The following CELSR2 variants were observed in gnomAD, a reference collection of about 807,000 sequenced individuals.
The protein encoded by CELSR2 is EGF-like protein 2.
CELSR2 carries 81 observed loss-of-function variants against 251.6 expected under a neutral mutation model. That is an observed-to-expected ratio of 0.32 (90% CI 0.27 to 0.39). CELSR2 has a LOEUF of 0.39. Ranked by LOEUF, CELSR2 falls within the 10% of genes least tolerant of loss-of-function variation. The pLI is 1.00. For synonymous variants in CELSR2, 1,721 were observed against 1,670.5 expected (o/e 1.03, Z -0.74); for missense variants, 3,365 against 3,947.7 (o/e 0.85, Z 3.96).
At position 109,270,462 on chromosome 1, in the gene CELSR2, C is replaced by T. The variant is rs761500021; in HGVS notation, c.7345C>T (p.Leu2449=). 55 of 1,614,108 alleles carry T rather than the reference C, an allele frequency of 3.4e-5. No individual in the cohort carries two copies. Among genetic ancestry groups the T allele is most frequent in the Non-Finnish European group, 4.6e-5 (54 of 1,180,044 alleles). Reference sequence around the variant, plus strand: ...AGTCATTGCCATCCTGCTGCACTTCCTGTACCTCTGCACCTTTTCCTGGGC... The same window carrying T: ...AGTCATTGCCATCCTGCTGCACTTCTTGTACCTCTGCACCTTTTCCTGGGC... ...CTVIAILLHF[L]YLCTFSWALL... is the part of the protein sequence containing the mutation. The change falls in exon 24 of 34, where the codon CTG becomes TTG. Residue 2449 remains leucine, a synonymous_variant. Transcript: ENST00000271332.
At position 109,252,875 on chromosome 1, in the gene CELSR2, G is replaced by A; in HGVS notation, c.2796G>A (p.Glu932=). 6.2e-7 allele frequency: 1 copy of A among 1,613,106 alleles called. No individual in the cohort carries two copies. Among genetic ancestry groups the A allele is most frequent in the East Asian group, 2.2e-5 (1 of 44,866 alleles). Residue 932 remains glutamate, a synonymous_variant, in exon 1 of 34, where the codon GAG becomes GAA. Transcript: ENST00000271332. The surrounding 1 kb of genome is among the most constrained non-coding windows in gnomAD (Gnocchi z 4.8). ...ATGAGTTTGATGTGTTTGTGGAAGA[G>A]AACAGCCCCATTGGGCTAGCCGTGG... ...EQDEFDVFVE[E]NSPIGLAVAR...
At position 109,267,987 on chromosome 1, in the gene CELSR2, C is replaced by G. The variant is rs199802246; in HGVS notation, c.6245C>G (p.Thr2082Arg). Residue 2082 changes from threonine to arginine, a missense_variant, in exon 17 of 34, where the codon ACG (threonine) becomes AGG (arginine). By Grantham distance (71) the Thr-to-Arg change is moderately conservative. Transcript: ENST00000271332. ...SDVKVAYQLA[T>R]RLLAHESTQR... ...GTCAAGGTGGCCTACCAGCTGGCCACGCGGCTGCTGGCCCACGAGAGCACC... is the reference window on the plus strand; with the variant it reads ...GTCAAGGTGGCCTACCAGCTGGCCAGGCGGCTGCTGGCCCACGAGAGCACC... 7.4e-6 allele frequency: 12 copies of G among 1,610,826 alleles called. No individual in the cohort carries two copies. In the South Asian group the frequency reaches 1.3e-4, roughly 18 times the overall value.
Position 109,267,913 on chromosome 1 carries a change from G to T in CELSR2, c.6171G>T (p.Leu2057=). The T allele has an allele frequency of 6.2e-7, 1 of 1,611,250 alleles. No homozygotes were observed. The highest frequency in any genetic ancestry group is 8.5e-7 in the Non-Finnish European group (1 of 1,179,652). Residue 2057 remains leucine (L), a synonymous_variant, in exon 17 of 34, where the codon CTG becomes CTT. Transcript: ENST00000271332. The stretch of plus-strand genomic sequence containing the variant: ...CAGGGCGCTCCCAGCAGCTAGCCCT[G>T]CTCCTGCGCAACGCCACGCAGCACA... The part of the protein sequence containing the change: ...LDSGRSQQLA[L]LLRNATQHTA...
chr1:109,268,676 C>G lies in CELSR2; in HGVS notation c.6414C>G (p.Leu2138=). The G allele has an allele frequency of 1.2e-6, 2 of 1,614,058 alleles. No individual in the cohort carries two copies. The highest frequency in any genetic ancestry group is 8.5e-7 in the Non-Finnish European group (1 of 1,179,988). The change falls in exon 18 of 34, where the codon CTC becomes CTG. Residue 2138 remains leucine, a synonymous_variant. Transcript: ENST00000271332. ...CAGAGGGTGGCACCGCCTGGCTGCT[C>G]CAGCACTATGAGGCCTACGCCAGTG... The part of the protein sequence containing the change: ...QQTEGGTAWL[L]QHYEAYASAL...
rs145491260 is a variant in CELSR2 at position 109,263,188 on chromosome 1, T to G, written c.4755T>G (p.Asn1585Lys). The G allele has an allele frequency of 1.9e-6, 3 of 1,600,618 alleles. No individual in the cohort carries two copies. Among genetic ancestry groups the G allele is most frequent in the Non-Finnish European group, 2.6e-6 (3 of 1,169,110 alleles). The change falls in exon 8 of 34, where the codon AAT (asparagine) becomes AAG (lysine). Residue 1585 changes from asparagine to lysine, a missense_variant. Transcript: ENST00000271332. ...KNVCDSNTCH[N>K]GGTCVNQWDA... is the part of the protein sequence containing the mutation. ...TGTGTGACAGCAACACTTGCCACAATGGGGGCACTTGCGTGAACCAGTGGG... is the reference window on the plus strand; with the variant it reads ...TGTGTGACAGCAACACTTGCCACAAGGGGGGCACTTGCGTGAACCAGTGGG...
intron 8 of CELSR2, 116 bp downstream of exon 8, chr1:109,263,383 G>A: frequency 6.9e-7 from 1 of 1,445,958 alleles, no homozygotes; most frequent in Non-Finnish European, 9.2e-7. Context: ...GGGTGGAAAA[G>A]CGTGTCTGGG....
chr1:109,267,404 GTCTTCCT>G, intron 15 of CELSR2, 137 bp from the exon 16 acceptor site: 1 of 674,650 alleles, frequency 1.5e-6, no homozygotes, highest in Non-Finnish European at 2.5e-6. Flanking sequence ...CTACATACCT[GTCTTCCT>G]GTTTCACCAG....
At position 109,274,012 on chromosome 1, in the gene CELSR2, G is replaced by C. The variant is rs892645457; in HGVS notation, c.8745-10G>C. ...GCCTTTTCTGCCACTTTCCTTTCCT[G>C]CCTCTCCAGATTTCTCTTCTTTAAC... On this transcript the variant is annotated splice_polypyrimidine_tract_variant and intron_variant, in intron 33 of 33. Transcript: ENST00000271332. The C allele has an allele frequency of 6.2e-7, 1 of 1,613,904 alleles. No individual in the cohort carries two copies. The highest frequency in any genetic ancestry group is 8.5e-7 in the Non-Finnish European group (1 of 1,179,952).
chr1:109,253,466 C>A (rs372101320), intron 1 of CELSR2, 77 bp downstream of exon 1: 3 of 1,507,144 alleles, frequency 2.0e-6, no homozygotes, highest in Non-Finnish European at 2.7e-6. Flanking sequence ...AGGTAGGGTG[C>A]GATCCAGGAA....
In CELSR2 at chr1:109,269,996, CTT is replaced by C; in HGVS notation, c.7172_7173del (p.Leu2391ProfsTer23). On this transcript the variant is annotated frameshift_variant, in exon 23 of 34. Transcript: ENST00000271332. LOFTEE classifies it high-confidence loss of function. The surrounding 1 kb of genome is among the most constrained non-coding windows in gnomAD (Gnocchi z 6.4). ...YVALGVTLAA[L>X]LLTFFFLTLL... is the part of the protein sequence containing the mutation. ...GGCTCTAGGTGTCACCTTGGCTGCC[CTT>C]CTGCTCACCTTCTTCTTCCTCACTC... The C allele has an allele frequency of 6.2e-7, 1 of 1,614,128 alleles. No homozygotes were observed.
chr1:109,262,168 C>T (rs1656037342), intron 5 of CELSR2, 119 bp from the exon 6 acceptor site: 4 of 1,363,660 alleles, frequency 2.9e-6, no homozygotes, highest in Non-Finnish European at 3.0e-6. Flanking sequence ...TGTGTATATG[C>T]ATGTGTGTAC....
At chr1:109,267,079 T>G (rs1264647011) in intron 15 of CELSR2, among the ~76,000 whole-genome samples, 9 of 152,112 alleles carry the variant, frequency 5.9e-5, no homozygotes, top group Admixed American at 5.9e-4. Context: ...GGCATAGGGC[T>G]GTGCTAGAGA....
rs771373867 is a variant in CELSR2 at position 109,270,044 on chromosome 1, A to G, written c.7219A>G (p.Asn2407Asp). Residue 2407 changes from asparagine to aspartate, a missense_variant, in exon 23 of 34, where the codon AAC becomes GAC. Asn to Asp is a conservative substitution (Grantham distance 23). Around this residue, in one of 5 missense-constraint regions of CELSR2, gnomAD observed 2,093 missense variants for 2,382.8 expected, o/e 0.88. Transcript: ENST00000271332. ...FLTLLRILRS[N>D]QHGIRRNLTA... ...CACTCTCTTGCGTATCCTGCGCTCC[A>G]ACCAACACGGCATCCGACGTAACCT... 8 of 1,613,784 alleles carry G rather than the reference A, an allele frequency of 5.0e-6. No homozygotes were observed. Among genetic ancestry groups the G allele is most frequent in the Admixed American group, 1.7e-5 (1 of 59,990 alleles).
In CELSR2 at chr1:109,271,646, G is replaced by A. The variant is rs1187110726; in HGVS notation, c.7850G>A (p.Arg2617Gln). ...LSYVVLSKEVRKALKLACSRK... is the reference protein window; with the variant it reads ...LSYVVLSKEVQKALKLACSRK... ...TATGTGGTGCTTAGCAAGGAGGTCC[G>A]GAAAGCACTCAAGCTTGCCTGCAGC... The change falls in exon 28 of 34, where the codon CGG becomes CAG. Residue 2617 changes from arginine to glutamine, a missense_variant. Physicochemically the swap from Arg to Gln is conservative, Grantham distance 43. Coordinates refer to ENST00000271332, the MANE Select transcript of CELSR2 (RefSeq NM_001408.3). 8.1e-6 allele frequency: 13 copies of A among 1,613,940 alleles called. No individual in the cohort carries two copies. The highest frequency in any genetic ancestry group is 4.5e-5 in the East Asian group (2 of 44,892).
chr1:109,269,362 G>A lies in CELSR2; in HGVS notation c.6813-62G>A, dbSNP rs75781599. 2.9e-3 allele frequency: 4,584 copies of A among 1,608,254 alleles called. 126 individuals are homozygous for A. The African/African-American group carries it at 0.053, about 18-fold the overall frequency. Reference sequence around the variant, plus strand: ...TGAGTGCTGAGGCATGGAGGGGGTCGGGGGCGTCTCCCCAGTCATGTGACT... The same window carrying A: ...TGAGTGCTGAGGCATGGAGGGGGTCAGGGGCGTCTCCCCAGTCATGTGACT... On this transcript the variant is annotated intron_variant, in intron 20 of 33. Coordinates refer to ENST00000271332, the MANE Select transcript of CELSR2 (RefSeq NM_001408.3). The surrounding 1 kb of genome is among the most constrained non-coding windows in gnomAD (Gnocchi z 6.4).
At position 109,275,667 on chromosome 1, in the gene CELSR2, GGTT is replaced by G. The variant is rs1656512091; in HGVS notation, c.*1623_*1625del. 1 of 152,236 alleles carries G rather than the reference GGTT, an allele frequency of 6.6e-6. No individual in the cohort carries two copies. The highest frequency in any genetic ancestry group is 1.5e-5 in the Non-Finnish European group (1 of 68,040). The allele number at this position is 152,236 out of a possible 1,614,324, so 9.4% of individuals were successfully genotyped here. A position where few individuals can be genotyped will look rare whatever the true frequency, so the allele number is the denominator to read the frequency against. ...TACTAACCATCAGATTGTACAGTTT[GGTT>G]GTTGCTGTAAATAGGGTAGCGTTTT... On this transcript the variant is annotated 3_prime_UTR_variant, in exon 34 of 34. Coordinates refer to ENST00000271332, the MANE Select transcript of CELSR2 (RefSeq NM_001408.3).
At chr1:109,257,385 C>T (rs896424251) in intron 1 of CELSR2, among the ~76,000 whole-genome samples, 2 of 151,860 alleles carry the variant, frequency 1.3e-5, no homozygotes, top group African/African-American at 2.4e-5. Context: ...CCTTCTTGCC[C>T]TGTAAAGCCA....
rs1655637069 is a variant in CELSR2 at position 109,250,123 on chromosome 1, C to CGCA, written c.46_47insAGC (p.Pro15_Pro16insGln). ...GGCGTCCCCCTCCCAACGCCGCCGC[C>CGCA]GCCGCTGCTGCTGCTGTTGCTGCTG... On this transcript the variant is annotated inframe_insertion, in exon 1 of 34. Coordinates refer to ENST00000271332, the MANE Select transcript of CELSR2 (RefSeq NM_001408.3). This position sits in a 1 kb window ranked among gnomAD's most constrained non-coding sequence, Gnocchi z 4.4. 1.3e-6 allele frequency: 2 copies of CGCA among 1,583,934 alleles called. No individual in the cohort carries two copies. Among genetic ancestry groups the CGCA allele is most frequent in the Non-Finnish European group, 1.7e-6 (2 of 1,169,500 alleles).
In CELSR2 at chr1:109,249,669, G is replaced by C. The variant is rs1240156941; in HGVS notation, c.-411G>C. ...CGCGGGACCGTCGGGGGCCGCCGGG[G>C]CCGGGCCGGGGTCGGGGCGCACGGC... On this transcript the variant is annotated 5_prime_UTR_variant, in exon 1 of 34. Coordinates refer to ENST00000271332, the MANE Select transcript of CELSR2 (RefSeq NM_001408.3). 4.8e-5 allele frequency among the ~76,000 whole-genome samples: 7 copies of C among 146,982 alleles called. No individual in the cohort carries two copies. Among genetic ancestry groups the C allele is most frequent in the Non-Finnish European group, 7.6e-5 (5 of 66,072 alleles).
Sources: allele counts gnomAD v4.1 joint callset (sites outside exome capture counted in the v4.1 genomes callset), GRCh38; gene constraint gnomAD v4.1.1; regional missense constraint gnomAD v4.1.1; non-coding constraint Gnocchi (gnomAD v3.1); transcripts MANE v1.5; gene names NCBI Gene and HGNC (gene_info 2026-07-23, HGNC 2026-07-21).